GP2: variants seen among roughly 807,000 people sequenced by gnomAD.
The protein encoded by GP2 is pancreatic secretory granule membrane major glycoprotein GP2.
Under a neutral mutation model 60.8 loss-of-function variants are expected in GP2, and 58 were observed. That is an observed-to-expected ratio of 0.95 (90% CI 0.77 to 1.19). GP2 has a LOEUF of 1.19. GP2 is among the 50% of genes most tolerant of loss of function. The pLI is 0.00. For missense variants in GP2, 647 were observed against 667.4 expected, an observed-to-expected ratio of 0.97 and a Z score of 0.34; for synonymous variants, 280 against 253.4, an observed-to-expected ratio of 1.10 and a Z score of -1.00.
At position 20,317,259 on chromosome 16, in the gene GP2, T is replaced by C. The variant is rs144732434; in HGVS notation, c.1370A>G (p.His457Arg). 2.5e-5 allele frequency: 41 copies of C among 1,613,708 alleles called. No individual in the cohort carries two copies. The African/African-American group carries it at 5.3e-4, about 21-fold the overall frequency. ...FAGHYDLVFL[H>R]CEIHLCDSLN... The stretch of plus-strand genomic sequence containing the variant: ...AGAATCACAGAGATGAATCTCACAA[T>C]GCAGGAAAACTAGGTCATAATGTCC... Residue 457 changes from histidine to arginine, a missense_variant, in exon 8 of 11, where the codon CAT becomes CGT. By Grantham distance (29) the His-to-Arg change is conservative. Coordinates refer to ENST00000302555, the MANE Select transcript of GP2 (RefSeq NM_001502.4).
chr16:20,317,129 A>T, intron 8 of GP2, 84 bp downstream of exon 8: 1 of 229,384 alleles, frequency 4.4e-6, no homozygotes, highest in Non-Finnish European at 7.8e-6. Context: ...TGCGTTTATA[A>T]TTCCAATAAA....
chr16:20,317,816 T>G (rs1175190153), intron 7 of GP2, among the ~76,000 whole-genome samples: 3 of 152,198 alleles, frequency 2.0e-5, no homozygotes, highest in Non-Finnish European at 4.4e-5. Context: ...CATTTTTCCC[T>G]TGTTTTTGTC....
intron 10 of GP2, among the ~76,000 whole-genome samples, chr16:20,313,220 A>T (rs1282146420): frequency 1.3e-5 from 2 of 151,248 alleles, no homozygotes; most frequent in East Asian, 1.9e-4. Flanking sequence ...ATAAATATGT[A>T]AAAAAATGTA....
At chr16:20,322,029 G>C (rs895168300) in intron 4 of GP2, among the ~76,000 whole-genome samples, 3 of 152,202 alleles carry the variant, frequency 2.0e-5, no homozygotes, top group Non-Finnish European at 4.4e-5. Flanking sequence ...AGGAGATCAA[G>C]GTTGTTGGTT....
At position 20,318,256 on chromosome 16, in the gene GP2, C is replaced by T. The variant is rs751721580; in HGVS notation, c.1182G>A (p.Val394=). The change falls in exon 7 of 11, where the codon GTG becomes GTA. Residue 394 remains valine, a synonymous_variant. Coordinates refer to ENST00000302555, the MANE Select transcript of GP2 (RefSeq NM_001502.4). The part of the protein sequence containing the change: ...EQGDTSRFNL[V]LRNCYATPTE... The stretch of plus-strand genomic sequence containing the variant: ...TGGGGGTGGCATAGCAGTTCCTCAA[C>T]ACCAGGTTAAACCGGGAGGTGTCCC... 8 of 1,612,042 alleles carry T rather than the reference C, an allele frequency of 5.0e-6. No homozygotes were observed. Among genetic ancestry groups the T allele is most frequent in the African/African-American group, 4.0e-5 (3 of 74,894 alleles).
chr16:20,319,878 C>T, intron 5 of GP2, 110 bp from the exon 6 acceptor site: 1 of 847,310 alleles, frequency 1.2e-6, no homozygotes, highest in South Asian at 1.6e-5. Flanking sequence ...TGCAGCCACC[C>T]TACCTTCTGA....
rs1567289422 is a variant in GP2 at position 20,319,782 on chromosome 16, AC to A, written c.859-15del. 1.2e-6 allele frequency: 2 copies of A among 1,602,560 alleles called. No homozygotes were observed. Among genetic ancestry groups the A allele is most frequent in the Admixed American group, 1.7e-5 (1 of 60,000 alleles). On this transcript the variant is annotated splice_polypyrimidine_tract_variant and intron_variant, in intron 5 of 10. Transcript: ENST00000302555. The stretch of plus-strand genomic sequence containing the variant: ...GGTTTGATTTCTCTTTGGCAAAAAA[AC>A]AAAACCATACAGATGTTTATGTGTA...
chr16:20,314,023 T>G (rs1964076450), intron 10 of GP2, among the ~76,000 whole-genome samples: 1 of 151,898 alleles, frequency 6.6e-6, no homozygotes, highest in African/African-American at 2.4e-5. Flanking sequence ...GTCTATACAA[T>G]GAGAACACAT....
Position 20,323,970 on chromosome 16 carries a change from G to A in GP2, c.381C>T (p.Ala127=). The A allele has an allele frequency of 1.2e-6, 2 of 1,614,188 alleles. No individual in the cohort carries two copies. Among genetic ancestry groups the A allele is most frequent in the Non-Finnish European group, 1.7e-6 (2 of 1,180,010 alleles). The part of the protein sequence containing the change: ...APMWLNGTHP[A]LGDGITNHTA... ...TGTGGTTGGTGATGCCATCCCCAAG[G>A]GCAGGGTGGGTCCCATTCAGCCACA... is the stretch of plus-strand genomic sequence containing the variant. Residue 127 remains alanine, a synonymous_variant, in exon 3 of 11, where the codon GCC becomes GCT. Transcript: ENST00000302555.
intron 6 of GP2, among the ~76,000 whole-genome samples, chr16:20,318,831 T>A (rs995443876): frequency 6.6e-6 from 1 of 152,158 alleles, no homozygotes; most frequent in Non-Finnish European, 1.5e-5. Context: ...TCATTTTGAT[T>A]TTTTATGAAC....
intron 1 of GP2, chr16:20,327,226 C>T: frequency 3.1e-6 from 1 of 324,626 alleles, no homozygotes; most frequent in Non-Finnish European, 6.1e-6. Flanking sequence ...GACCTAGTTC[C>T]CTGGTGGGAA....
chr16:20,324,973 G>C (rs1230279357), intron 2 of GP2, among the ~76,000 whole-genome samples: 2 of 152,214 alleles, frequency 1.3e-5, no homozygotes, highest in Non-Finnish European at 2.9e-5. Context: ...GCCCCAAAGT[G>C]GTCTCCAGGC....
intron 10 of GP2, among the ~76,000 whole-genome samples, chr16:20,314,211 G>A (rs977132766): frequency 6.8e-6 from 1 of 147,670 alleles, no homozygotes; most frequent in Non-Finnish European, 1.5e-5. Flanking sequence ...TGCACGTTCT[G>A]CTCATGTATC....
In GP2 at chr16:20,317,206, C is replaced by T. The variant is rs989368325; in HGVS notation, c.1416+7G>A. Reference sequence around the variant, plus strand: ...CTCTGAAGAGTTCAGTTCAAAGAGACACTCACAGGCTGGCACTGTTCATTA... The same window carrying T: ...CTCTGAAGAGTTCAGTTCAAAGAGATACTCACAGGCTGGCACTGTTCATTA... On this transcript the variant is annotated splice_region_variant and intron_variant, in intron 8 of 10. Coordinates refer to ENST00000302555, the MANE Select transcript of GP2 (RefSeq NM_001502.4). 8.5e-6 allele frequency: 13 copies of T among 1,535,506 alleles called. No individual in the cohort carries two copies. In the Admixed American group the frequency reaches 1.4e-4, roughly 17 times the overall value.
chr16:20,311,815 G>A (rs1203761202), intron 10 of GP2, among the ~76,000 whole-genome samples: 1 of 152,216 alleles, frequency 6.6e-6, no homozygotes, highest in African/African-American at 2.4e-5. Flanking sequence ...ACTGGGGACT[G>A]TTTGTTACAG....
intron 9 of GP2, among the ~76,000 whole-genome samples, chr16:20,315,125 AC>A (rs1964121192): frequency 6.6e-6 from 1 of 152,054 alleles, no homozygotes; most frequent in Non-Finnish European, 1.5e-5. Context: ...TGGTAGGAAA[AC>A]TCAGGGCAGA....
intron 9 of GP2, 60 bp from the exon 10 acceptor site, chr16:20,314,761 GT>G: frequency 8.4e-7 from 1 of 1,189,036 alleles, no homozygotes; most frequent in Non-Finnish European, 1.3e-6. Context: ...CTGCAACACT[GT>G]GGCCATAACT....
chr16:20,318,126 T>C (rs1331738297), intron 7 of GP2, 59 bp downstream of exon 7: 2 of 1,448,848 alleles, frequency 1.4e-6, no homozygotes, highest in East Asian at 2.3e-5. Context: ...ATGGATGAGA[T>C]GAACACTTTC....
intron 7 of GP2, 132 bp downstream of exon 7, chr16:20,318,053 G>A (rs758352792): frequency 7.4e-5 from 54 of 734,234 alleles, no homozygotes; most frequent in Non-Finnish European, 8.9e-5. Flanking sequence ...AATCTCAGGA[G>A]TGATATTTCT....
Sources: gnomAD v4.1 joint callset for allele counts (sites outside exome capture counted in the v4.1 genomes callset) on GRCh38, gnomAD v4.1.1 for gene constraint, MANE v1.5 for transcripts, NCBI Gene and HGNC (gene_info 2026-07-23, HGNC 2026-07-21) for gene names.